Variants in KLHL22 observed in about 807,000 individuals in gnomAD.
KLHL22 encodes kelch like family member 22.
In KLHL22, 18 loss-of-function variants were observed where a neutral mutation model predicts 60.7. That is an observed-to-expected ratio of 0.30 (90% confidence interval 0.20 to 0.44). The LOEUF is 0.44. Among genes scored for constraint, KLHL22 ranks in the 20% least tolerant of loss-of-function variants. The pLI, the probability that KLHL22 is intolerant of heterozygous loss-of-function variation, is 1.00. For missense variants in KLHL22, 596 were observed against 852.3 expected, an observed-to-expected ratio of 0.70 and a Z score of 3.74; for synonymous variants, 355 against 354.5, an observed-to-expected ratio of 1.00 and a Z score of -0.01.
At chr22:20,449,619 T>G (rs897808736) in intron 5 of KLHL22, among the ~76,000 whole-genome samples, 4 of 151,230 alleles carry the variant, frequency 2.6e-5, no homozygotes, top group African/African-American at 9.7e-5. Flanking sequence ...CAGGCTGGTC[T>G]CTGGTCTCGA....
At chr22:20,463,726 A>G (rs1300480652) in intron 4 of KLHL22, among the ~76,000 whole-genome samples, 1 of 152,238 alleles carries the variant, frequency 6.6e-6, no homozygotes, top group Non-Finnish European at 1.5e-5. Context: ...CTTTTTTCTG[A>G]AACCTGCCCT....
intron 2 of KLHL22, chr22:20,488,553 A>G (rs2053624748): frequency 5.1e-6 from 1 of 195,822 alleles, no homozygotes; most frequent in Non-Finnish European, 1.1e-5. Flanking sequence ...GAAGGAGGCC[A>G]TAAGAAACCC....
At chr22:20,489,677 C>A in intron 1 of KLHL22, 1 of 471,102 alleles carries the variant, frequency 2.1e-6, no homozygotes, top group Admixed American at 2.3e-5. Flanking sequence ...CATAAGCACA[C>A]ACCAGGTTCT....
intron 3 of KLHL22, 101 bp downstream of exon 3, chr22:20,471,249 A>C (rs1569136758): frequency 1.8e-6 from 2 of 1,121,380 alleles, no homozygotes; most frequent in Non-Finnish European, 2.6e-6. Context: ...CACATTCCTG[A>C]CCCATCTTCA....
chr22:20,495,337 A>C lies in KLHL22; in HGVS notation c.-34+423T>G, dbSNP rs2053751866. Among the ~76,000 whole-genome samples, 1 of 152,152 alleles carries C rather than the reference A, an allele frequency of 6.6e-6. No individual in the cohort carries two copies. The highest frequency in any genetic ancestry group is 2.4e-5 in the African/African-American group (1 of 41,444). On this transcript the variant is annotated intron_variant, in intron 1 of 6. Transcript: ENST00000328879. This position sits in a 1 kb window ranked among gnomAD's most constrained non-coding sequence, Gnocchi z 4.6. Reference sequence around the variant, plus strand: ...TGCAGTCCCCGGGCCCGATCGAGGGAACTGAGGCTCGTCAGGCCGGCCCCA... The same window carrying C: ...TGCAGTCCCCGGGCCCGATCGAGGGCACTGAGGCTCGTCAGGCCGGCCCCA...
intron 3 of KLHL22, among the ~76,000 whole-genome samples, chr22:20,469,238 C>T (rs1349275602): frequency 6.6e-6 from 1 of 152,136 alleles, no homozygotes. Context: ...GAGATGGCTA[C>T]AAGCAATACC....
At chr22:20,466,098 G>A (rs1296559784) in intron 3 of KLHL22, among the ~76,000 whole-genome samples, 4 of 152,102 alleles carry the variant, frequency 2.6e-5, no homozygotes, top group African/African-American at 9.7e-5. Context: ...TGGCTCGGCC[G>A]GGTGCGGTGG....
chr22:20,464,868 G>C lies in KLHL22; in HGVS notation c.1102C>G (p.Arg368Gly), dbSNP rs771422385. The change falls in exon 4 of 7, where the codon CGA becomes GGA. Residue 368 changes from arginine (R) to glycine (G), a missense_variant. Coordinates refer to ENST00000328879, the MANE Select transcript of KLHL22 (RefSeq NM_032775.4). The stretch of plus-strand genomic sequence containing the variant: ...AGCACCCTGTCCTACCTCCAGCATC[G>C]GGACTCTGCTCGAAATCCTTGGACA... ...NNVQGFRAES[R>G]CWRYDPRHNR... 3.9e-6 allele frequency: 6 copies of C among 1,532,744 alleles called. No individual in the cohort carries two copies. Among genetic ancestry groups the C allele is most frequent in the Middle Eastern group, 1.8e-4 (1 of 5,660 alleles). The allele number at this position is 1,532,744 out of a possible 1,614,324, so 94.9% of individuals were successfully genotyped here.
intron 5 of KLHL22, chr22:20,450,295 G>A (rs1398104188): frequency 1.9e-6 from 2 of 1,049,742 alleles, no homozygotes; most frequent in Admixed American, 3.4e-5. Context: ...GATTACTTCT[G>A]TGCCATGTTC....
At position 20,481,451 on chromosome 22, in the gene KLHL22, T is replaced by C. The variant is rs145845450; in HGVS notation, c.227+7534A>G. Among the ~76,000 whole-genome samples the C allele has an allele frequency of 5.4e-3, 818 of 152,112 alleles. 10 individuals carry two copies. Among genetic ancestry groups the C allele is most frequent in the African/African-American group, 0.018 (768 of 41,514 alleles). ...AGCCGGGTGTGGTGGCATGCACCTG[T>C]ACTCACAGCTACTCAGGAAGCTGAG... is the stretch of plus-strand genomic sequence containing the variant. On this transcript the variant is annotated intron_variant, in intron 2 of 6. Transcript: ENST00000328879.
chr22:20,467,388 G>A (rs1032644985), intron 3 of KLHL22, among the ~76,000 whole-genome samples: 4 of 152,306 alleles, frequency 2.6e-5, no homozygotes, highest in Admixed American at 2.6e-4. Context: ...CTGTCTTGAG[G>A]ACATGCTACA....
intron 5 of KLHL22, among the ~76,000 whole-genome samples, chr22:20,447,093 C>T (rs1437283372): frequency 6.6e-6 from 1 of 152,224 alleles, no homozygotes; most frequent in Non-Finnish European, 1.5e-5. Flanking sequence ...TCCGGGCCTG[C>T]TGACCCTGCT....
intron 2 of KLHL22, among the ~76,000 whole-genome samples, chr22:20,476,754 GC>G (rs1295537426): frequency 6.9e-6 from 1 of 145,886 alleles, no homozygotes; most frequent in Non-Finnish European, 1.5e-5. Flanking sequence ...TGTTGCCCAG[GC>G]TGGAGTGCAA....
At chr22:20,450,448 T>C (rs1364848109) in intron 5 of KLHL22, 2 of 1,589,420 alleles carry the variant, frequency 1.3e-6, no homozygotes, top group African/African-American at 1.3e-5. Flanking sequence ...TCCTGCAGCC[T>C]GTCTGCTTCA....
chr22:20,445,352 C>T (rs1016315897), intron 6 of KLHL22, among the ~76,000 whole-genome samples: 17 of 151,834 alleles, frequency 1.1e-4, no homozygotes, highest in South Asian at 6.2e-4. Context: ...GGATTACAGG[C>T]GCCCATCACC....
intron 4 of KLHL22, among the ~76,000 whole-genome samples, 162 bp from the exon 5 acceptor site, chr22:20,458,162 A>G (rs2053093919): frequency 6.6e-6 from 1 of 152,030 alleles, no homozygotes; most frequent in South Asian, 2.1e-4. Flanking sequence ...AGCCAGGCCC[A>G]CAGGCTGTTA....
At chr22:20,462,159 C>A (rs182033841) in intron 4 of KLHL22, among the ~76,000 whole-genome samples, 1 of 151,392 alleles carries the variant, frequency 6.6e-6, no homozygotes. Flanking sequence ...CGCCTGTAAT[C>A]CCAGCTATTC....
intron 4 of KLHL22, among the ~76,000 whole-genome samples, chr22:20,458,677 C>T (rs1371441277): frequency 6.6e-6 from 1 of 151,900 alleles, no homozygotes; most frequent in Non-Finnish European, 1.5e-5. Context: ...CCTTGAACTT[C>T]CCCCAGCACT....
At chr22:20,458,631 G>A (rs995702706) in intron 4 of KLHL22, among the ~76,000 whole-genome samples, 1 of 151,600 alleles carries the variant, frequency 6.6e-6, no homozygotes, top group African/African-American at 2.4e-5. Context: ...CCTCTCCACT[G>A]GATGGGTGCC....
Sources: gnomAD v4.1 joint callset for allele counts (sites outside exome capture counted in the v4.1 genomes callset) on GRCh38, gnomAD v4.1.1 for gene constraint, Gnocchi (gnomAD v3.1) non-coding constraint, MANE v1.5 for transcripts, NCBI Gene and HGNC (gene_info 2026-07-23, HGNC 2026-07-21) for gene names.